LSAMP: variants seen among roughly 807,000 people sequenced by gnomAD.
LSAMP encodes limbic system associated membrane protein.
A neutral mutation model predicts 38.6 loss-of-function variants in LSAMP; 7 were observed. The ratio of observed to expected loss-of-function variants is 0.18; its 90% CI spans 0.10 to 0.34. The LOEUF (loss-of-function observed/expected upper bound fraction) is 0.34. Among genes scored for constraint, LSAMP ranks in the 10% least tolerant of loss-of-function variants. The pLI is 1.00. For synonymous variants in LSAMP, 154 were observed against 166.8 expected, an observed-to-expected ratio of 0.92 and a Z score of 0.59; for missense variants, 313 against 420.0, an observed-to-expected ratio of 0.75 and a Z score of 2.23.
At chr3:116,382,490 A>C in intron 1 of LSAMP, among the ~76,000 whole-genome samples, 1 of 123,282 alleles carries the variant, frequency 8.1e-6, no homozygotes, top group African/African-American at 3.0e-5. Context: ...AACATCACAC[A>C]CCGGGGCCTG....
intron 2 of LSAMP, among the ~76,000 whole-genome samples, chr3:116,056,769 T>C (rs986532265): frequency 6.6e-6 from 1 of 152,136 alleles, no homozygotes; most frequent in Non-Finnish European, 1.5e-5. Flanking sequence ...TTTCCTGTTA[T>C]GGGAGAAAAA....
Position 115,803,672 on chromosome 3 carries a change from T to C in LSAMP, c.*6645A>G, listed in dbSNP as rs989733205. The C allele has an allele frequency of 2.0e-5, 3 of 152,224 alleles. No individual in the cohort carries two copies. The highest frequency in any genetic ancestry group is 1.9e-4 in the East Asian group (1 of 5,196). The allele number at this position is 152,224 out of a possible 1,614,324, so 9.4% of individuals were successfully genotyped here. On this transcript the variant is annotated 3_prime_UTR_variant, in exon 7 of 7. Transcript: ENST00000490035. ...ATTGACTTGTACTTTTTGAAAACAA[T>C]ACTTGTTTTCTCTCCATCTATTTGC... is the stretch of plus-strand genomic sequence containing the variant.
In LSAMP at chr3:116,402,447, T is replaced by G. The variant is rs541712281; in HGVS notation, c.155+42430A>C. Among the ~76,000 whole-genome samples, 4 of 152,208 alleles carry G rather than the reference T, an allele frequency of 2.6e-5. No homozygotes were observed. The South Asian group carries it at 6.2e-4, about 24-fold the overall frequency. ...AAAACAGCATATCTCAATATCTCAA[T>G]CACCAACAGTAAGAAAATTTTTAAA... On this transcript the variant is annotated intron_variant, in intron 1 of 6. Transcript: ENST00000490035.
At chr3:116,333,575 C>T (rs181533990) in intron 1 of LSAMP, among the ~76,000 whole-genome samples, 41 of 149,854 alleles carry the variant, frequency 2.7e-4, no homozygotes, top group Admixed American at 7.3e-4. Flanking sequence ...TATCTTTTCT[C>T]AACGAAATAG....
chr3:115,814,650 C>G (rs1933953557), intron 6 of LSAMP, among the ~76,000 whole-genome samples: 1 of 152,006 alleles, frequency 6.6e-6, no homozygotes, highest in African/African-American at 2.4e-5. Context: ...TTCAGTGATC[C>G]TTGGATATTC....
At chr3:116,418,208 C>T (rs965024251) in intron 1 of LSAMP, among the ~76,000 whole-genome samples, 35 of 152,190 alleles carry the variant, frequency 2.3e-4, no homozygotes, top group African/African-American at 7.5e-4. Context: ...TCCACTATAC[C>T]GCAAACCTTC....
At chr3:116,276,210 T>C (rs1246346292) in intron 1 of LSAMP, among the ~76,000 whole-genome samples, 3 of 151,362 alleles carry the variant, frequency 2.0e-5, no homozygotes, top group African/African-American at 4.9e-5. Context: ...AATATCTGGA[T>C]TGGAAATAAA....
At chr3:116,087,449 A>G (rs1708017245) in intron 1 of LSAMP, among the ~76,000 whole-genome samples, 1 of 152,202 alleles carries the variant, frequency 6.6e-6, no homozygotes, top group Admixed American at 6.5e-5. Flanking sequence ...AGTTCCAGCA[A>G]GAGTCTTGCA....
intron 1 of LSAMP, among the ~76,000 whole-genome samples, chr3:116,149,544 C>T (rs1470168694): frequency 6.6e-6 from 1 of 151,986 alleles, no homozygotes; most frequent in African/African-American, 2.4e-5. Flanking sequence ...GTCTAATGCA[C>T]ATTTTGCTCT....
intron 1 of LSAMP, among the ~76,000 whole-genome samples, chr3:116,396,330 G>A (rs1162691983): frequency 1.3e-5 from 2 of 152,094 alleles, no homozygotes; most frequent in Non-Finnish European, 2.9e-5. Context: ...ACAGTTTTGT[G>A]TTCTTACTTC....
At chr3:116,208,729 G>C (rs1462129040) in intron 1 of LSAMP, among the ~76,000 whole-genome samples, 1 of 100,372 alleles carries the variant, frequency 1.0e-5, no homozygotes, top group Admixed American at 1.0e-4. Context: ...CAGGGGTCAG[G>C]GACCCACTTG....
chr3:116,061,645 A>C (rs1189625936), intron 2 of LSAMP, among the ~76,000 whole-genome samples: 1 of 152,166 alleles, frequency 6.6e-6, no homozygotes. Flanking sequence ...TCTCCATAGC[A>C]CTATCACCTA....
chr3:116,013,688 A>T (rs1940394958), intron 3 of LSAMP, among the ~76,000 whole-genome samples: 1 of 152,212 alleles, frequency 6.6e-6, no homozygotes, highest in Admixed American at 6.5e-5. Context: ...ACATTTTAAA[A>T]TTTATTTTTG....
intron 2 of LSAMP, among the ~76,000 whole-genome samples, chr3:116,070,475 A>C (rs1462070393): frequency 6.6e-6 from 1 of 152,240 alleles, no homozygotes; most frequent in Non-Finnish European, 1.5e-5. Flanking sequence ...TAAAGTGGAC[A>C]CTGAAATGTC....
At chr3:116,071,108 C>A (rs1337725777) in intron 2 of LSAMP, among the ~76,000 whole-genome samples, 4 of 149,592 alleles carry the variant, frequency 2.7e-5, no homozygotes, top group South Asian at 2.1e-4. Context: ...AATGTACCTA[C>A]ATGAGGTGTA....
intron 1 of LSAMP, among the ~76,000 whole-genome samples, chr3:116,355,021 T>C (rs1162556004): frequency 6.6e-6 from 1 of 152,192 alleles, no homozygotes; most frequent in Non-Finnish European, 1.5e-5. Flanking sequence ...ATAACTGGCT[T>C]CAACAGTGAT....
At chr3:116,164,949 A>C (rs1455529443) in intron 1 of LSAMP, among the ~76,000 whole-genome samples, 1 of 151,768 alleles carries the variant, frequency 6.6e-6, no homozygotes, top group Non-Finnish European at 1.5e-5. Flanking sequence ...AGTCTTCATC[A>C]GGTTATCTGC....
chr3:116,098,759 T>A (rs1479186382), intron 1 of LSAMP, among the ~76,000 whole-genome samples: 1 of 152,200 alleles, frequency 6.6e-6, no homozygotes, highest in African/African-American at 2.4e-5. Context: ...AAAGCATTTT[T>A]TTTTCCTCCC....
chr3:115,810,298 T>C lies in LSAMP; in HGVS notation c.*19A>G. 2.0e-6 allele frequency: 3 copies of C among 1,530,068 alleles called. No individual in the cohort carries two copies. The highest frequency in any genetic ancestry group is 1.2e-5 in the South Asian group (1 of 83,318). 94.8% of individuals were successfully genotyped at this position (1,530,068 alleles called of 1,614,324 possible). A position where few individuals can be genotyped will look rare whatever the true frequency, so the allele number is the denominator to read the frequency against. ...GCATTTTTGTGTGTTTTTTAAATTA[T>C]TTTTAAATTTTTATTCTATTAACAT... is the stretch of plus-strand genomic sequence containing the variant. On this transcript the variant is annotated 3_prime_UTR_variant, in exon 7 of 7. Coordinates refer to ENST00000490035, the MANE Select transcript of LSAMP (RefSeq NM_002338.5).
Sources: gnomAD v4.1 joint callset for allele counts (sites outside exome capture counted in the v4.1 genomes callset) on GRCh38, gnomAD v4.1.1 for gene constraint, MANE v1.5 for transcripts, NCBI Gene and HGNC (gene_info 2026-07-23, HGNC 2026-07-21) for gene names.